The following NCR3LG1 variants were observed in gnomAD, a reference collection of about 807,000 sequenced individuals.
NCR3LG1 encodes natural killer cell cytotoxicity receptor 3 ligand 1.
Under a neutral mutation model 34.8 loss-of-function variants are expected in NCR3LG1, and 35 were observed. That is an observed-to-expected ratio of 1.01 (90% CI 0.77 to 1.33). The LOEUF (loss-of-function observed/expected upper bound fraction) is 1.33. Among genes scored for constraint, NCR3LG1 ranks in the 40% most tolerant of loss-of-function variants. NCR3LG1 has a pLI of 0.00. For missense variants in NCR3LG1, 452 were observed against 423.3 expected, an observed-to-expected ratio of 1.07 and a Z score of -0.60; for synonymous variants, 173 against 163.6, an observed-to-expected ratio of 1.06 and a Z score of -0.44.
intron 4 of NCR3LG1, among the ~76,000 whole-genome samples, 165 bp downstream of exon 4, chr11:17,369,129 C>T (rs1953380059): frequency 6.6e-6 from 1 of 152,214 alleles, no homozygotes; most frequent in African/African-American, 2.4e-5. Context: ...GTGTTCCAAT[C>T]CAGTTTCCTA....
At chr11:17,365,897 G>T (rs1384163286) in intron 2 of NCR3LG1, among the ~76,000 whole-genome samples, 1 of 152,212 alleles carries the variant, frequency 6.6e-6, no homozygotes, top group Non-Finnish European at 1.5e-5. Context: ...TATGACTCCA[G>T]CAGCTTCTGC....
At chr11:17,354,955 G>A (rs1006411596) in intron 1 of NCR3LG1, among the ~76,000 whole-genome samples, 1 of 152,170 alleles carries the variant, frequency 6.6e-6, no homozygotes, top group Non-Finnish European at 1.5e-5. Flanking sequence ...TCTAAATATA[G>A]ATGTCTAGCT....
At chr11:17,378,928 G>A (rs1953499107), downstream of NCR3LG1, among the ~76,000 whole-genome samples, 1 of 152,100 alleles carries the variant, frequency 6.6e-6, no homozygotes. Context: ...GCAGTAAGGG[G>A]AACAAAGCCA....
intron 1 of NCR3LG1, among the ~76,000 whole-genome samples, chr11:17,355,184 C>T (rs1393158112): frequency 6.6e-6 from 1 of 152,018 alleles, no homozygotes; most frequent in African/African-American, 2.4e-5. Flanking sequence ...ATTGCTTGAG[C>T]CCAGGAGTTA....
intron 2 of NCR3LG1, among the ~76,000 whole-genome samples, chr11:17,365,109 A>G (rs1485654391): frequency 6.6e-6 from 1 of 152,106 alleles, no homozygotes; most frequent in African/African-American, 2.4e-5. Context: ...CTTTGTTTTT[A>G]TGTATTTTTT....
rs1357559936 is a variant in NCR3LG1, at chr11:17,366,993, T to G, written c.422-16T>G. ...GGTGCTGGGCCCAACTCTGTATGAT[T>G]TTTTTTCCCTGACAGCTTCCCCAGC... On this transcript the variant is annotated splice_polypyrimidine_tract_variant and intron_variant, in intron 2 of 4. Transcript: ENST00000338965. The G allele has an allele frequency of 4.6e-6, 7 of 1,524,292 alleles. No individual in the cohort carries two copies. The highest frequency in any genetic ancestry group is 1.2e-5 in the South Asian group (1 of 82,512). The allele number at this position is 1,524,292 out of a possible 1,614,324, so 94.4% of individuals were successfully genotyped here.
chr11:17,369,620 A>C (rs372675365), intron 4 of NCR3LG1, among the ~76,000 whole-genome samples: 166 of 152,388 alleles, frequency 1.1e-3, no homozygotes, highest in African/African-American at 3.8e-3. Flanking sequence ...CACAACAGCC[A>C]GTACATCTCA....
At position 17,359,189 on chromosome 11, in the gene NCR3LG1, A is replaced by G. The variant is rs1039382949; in HGVS notation, c.421+2188A>G. Reference sequence around the variant, plus strand: ...GCTGCTGAGGTATCATTGATTCTAGACCCTCTCAGCCAACAGAGCAAAGAA... The same window carrying G: ...GCTGCTGAGGTATCATTGATTCTAGGCCCTCTCAGCCAACAGAGCAAAGAA... On this transcript the variant is annotated intron_variant, in intron 2 of 4. Transcript: ENST00000338965. Among the ~76,000 whole-genome samples the G allele has an allele frequency of 2.6e-5, 4 of 152,240 alleles. No individual in the cohort carries two copies. The East Asian group carries it at 5.8e-4, about 22-fold the overall frequency.
At chr11:17,379,845 G>C (rs1953504644), downstream of NCR3LG1, among the ~76,000 whole-genome samples, 1 of 152,218 alleles carries the variant, frequency 6.6e-6, no homozygotes, top group African/African-American at 2.4e-5. Flanking sequence ...TCAGGAAGCT[G>C]AGCTTTGACC....
chr11:17,369,268 C>T (rs1953381290), intron 4 of NCR3LG1, among the ~76,000 whole-genome samples: 1 of 152,180 alleles, frequency 6.6e-6, no homozygotes, highest in African/African-American at 2.4e-5. Flanking sequence ...GTGAATGAAC[C>T]AGACTTTAGT....
At chr11:17,357,376 G>A (rs1953222659) in intron 2 of NCR3LG1, among the ~76,000 whole-genome samples, 1 of 152,016 alleles carries the variant, frequency 6.6e-6, no homozygotes, top group Admixed American at 6.5e-5. Flanking sequence ...AATCATATTG[G>A]ATCAGAGCCC....
At chr11:17,368,188 A>G (rs747557137) in intron 3 of NCR3LG1, among the ~76,000 whole-genome samples, 2 of 151,962 alleles carry the variant, frequency 1.3e-5, no homozygotes, top group Non-Finnish European at 2.9e-5. Context: ...CAAATGCTCA[A>G]TGCCTTCCCC....
intron 1 of NCR3LG1, 143 bp downstream of exon 1, chr11:17,352,182 T>C: frequency 5.3e-6 from 2 of 374,288 alleles, no homozygotes; most frequent in Non-Finnish European, 9.1e-6. Flanking sequence ...TTCTCCTTTT[T>C]TTTTTTTTTT....
downstream of NCR3LG1, among the ~76,000 whole-genome samples, chr11:17,380,044 G>A (rs1953505749): frequency 6.6e-6 from 1 of 152,208 alleles, no homozygotes; most frequent in Non-Finnish European, 1.5e-5. Flanking sequence ...TCCGTGTTGG[G>A]AGCTGATGCT....
chr11:17,369,139 A>G (rs959250720), intron 4 of NCR3LG1, among the ~76,000 whole-genome samples, 175 bp downstream of exon 4: 1 of 152,208 alleles, frequency 6.6e-6, no homozygotes, highest in Non-Finnish European at 1.5e-5. Flanking sequence ...CCAGTTTCCT[A>G]TCACAGAGGA....
intron 2 of NCR3LG1, among the ~76,000 whole-genome samples, chr11:17,363,573 T>TCC (rs1953311127): frequency 9.5e-6 from 1 of 105,462 alleles, no homozygotes; most frequent in Non-Finnish European, 2.1e-5. Context: ...CCTTCCTCTT[T>TCC]CTCTCTTTTC....
chr11:17,364,216 A>T (rs1191091400), intron 2 of NCR3LG1, among the ~76,000 whole-genome samples: 1 of 151,552 alleles, frequency 6.6e-6, no homozygotes, highest in Non-Finnish European at 1.5e-5. Flanking sequence ...ATTGTTTGTG[A>T]TAGGGTCTTG....
Position 17,372,373 on chromosome 11 carries a change from C to T in NCR3LG1, c.1226C>T (p.Thr409Ile), listed in dbSNP as rs886613776. ...DDNSTKSEKQTPREHSDAVPD... is the reference protein window; with the variant it reads ...DDNSTKSEKQIPREHSDAVPD... ...AATTCCACAAAGTCTGAGAAACAAA[C>T]CCCTAGGGAACACTCGGATGCAGTT... is the stretch of plus-strand genomic sequence containing the variant. The change falls in exon 5 of 5, where the codon ACC becomes ATC. Residue 409 changes from threonine to isoleucine, a missense_variant. Thr to Ile is a moderately conservative substitution (Grantham distance 89). Transcript: ENST00000338965. The T allele has an allele frequency of 2.8e-6, 2 of 703,016 alleles. No homozygotes were observed. The highest frequency in any genetic ancestry group is 1.7e-5 in the African/African-American group (1 of 57,264). The allele number at this position is 703,016 out of a possible 1,614,324, so 43.5% of individuals were successfully genotyped here.
At chr11:17,352,164 T>C in intron 1 of NCR3LG1, 125 bp downstream of exon 1, 1 of 542,302 alleles carries the variant, frequency 1.8e-6, no homozygotes, top group Non-Finnish European at 3.1e-6. Context: ...TATTTTCTTT[T>C]CTATTTCTTC....
Sources: allele counts gnomAD v4.1 joint callset (sites outside exome capture counted in the v4.1 genomes callset), GRCh38; gene constraint gnomAD v4.1.1; transcripts MANE v1.5; gene names NCBI Gene and HGNC (gene_info 2026-07-23, HGNC 2026-07-21).